Variants in LRRTM4 observed in about 807,000 individuals in gnomAD.
LRRTM4 encodes leucine-rich repeat transmembrane neuronal protein 4.
Under a neutral mutation model 47.6 loss-of-function variants are expected in LRRTM4, and 25 were observed. That is an observed-to-expected ratio of 0.53 (90% CI 0.38 to 0.73). The LOEUF is 0.73. Ranked by LOEUF, LRRTM4 falls within the 30% of genes least tolerant of loss-of-function variation. LRRTM4 has a pLI of 0.00. For synonymous variants in LRRTM4, 311 were observed against 269.5 expected (o/e 1.15, Z -1.51); for missense variants, 638 against 713.4 (o/e 0.89, Z 1.20).
chr2:77,170,024 C>T (rs767373482), intron 3 of LRRTM4, among the ~76,000 whole-genome samples: 7 of 152,110 alleles, frequency 4.6e-5, no homozygotes, highest in Non-Finnish European at 8.8e-5. Flanking sequence ...GGCAATGGGG[C>T]ATGTGTTCAA....
At chr2:77,362,384 C>A (rs925161169) in intron 3 of LRRTM4, among the ~76,000 whole-genome samples, 1 of 152,042 alleles carries the variant, frequency 6.6e-6, no homozygotes, top group African/African-American at 2.4e-5. Context: ...GTATATAGAA[C>A]GAGATATATT....
At chr2:76,995,966 G>A (rs559190060) in intron 3 of LRRTM4, among the ~76,000 whole-genome samples, 47 of 152,104 alleles carry the variant, frequency 3.1e-4, no homozygotes, top group African/African-American at 8.7e-4. Flanking sequence ...ATTAACTTAC[G>A]AAGGTATGCA....
At chr2:77,056,205 G>A (rs56030888) in intron 3 of LRRTM4, among the ~76,000 whole-genome samples, 18,329 of 148,632 alleles carry the variant, frequency 0.12, 1,383 homozygotes, top group Admixed American at 0.2. Flanking sequence ...AAAAGCTAAT[G>A]TGAGAATAAT....
chr2:77,028,889 G>A (rs1168270960), intron 3 of LRRTM4, among the ~76,000 whole-genome samples: 1 of 151,106 alleles, frequency 6.6e-6, no homozygotes, highest in East Asian at 2.0e-4. Context: ...CAAAAAATTA[G>A]CTGAGCGTGG....
At chr2:77,400,425 G>A (rs932336724) in intron 3 of LRRTM4, among the ~76,000 whole-genome samples, 2 of 151,620 alleles carry the variant, frequency 1.3e-5, no homozygotes, top group Non-Finnish European at 1.5e-5. Flanking sequence ...CGTGTAAGTG[G>A]TTTATAGCTC....
intron 3 of LRRTM4, among the ~76,000 whole-genome samples, chr2:77,321,868 TA>T (rs1677802701): frequency 6.6e-6 from 1 of 152,140 alleles, no homozygotes; most frequent in Non-Finnish European, 1.5e-5. Context: ...TAATGAATTA[TA>T]AACACAGAAC....
At chr2:77,403,842 T>C (rs1175399855) in intron 3 of LRRTM4, among the ~76,000 whole-genome samples, 5 of 149,072 alleles carry the variant, frequency 3.4e-5, no homozygotes, top group African/African-American at 7.7e-5. Flanking sequence ...TAGGCCATTA[T>C]GTCTTTATTC....
At chr2:77,099,559 G>A (rs372851480) in intron 3 of LRRTM4, among the ~76,000 whole-genome samples, 2 of 151,972 alleles carry the variant, frequency 1.3e-5, no homozygotes, top group East Asian at 3.9e-4. Context: ...AGTTGGCAGT[G>A]GTATCTAGGA....
At chr2:77,130,900 T>C (rs902945113) in intron 3 of LRRTM4, among the ~76,000 whole-genome samples, 3 of 115,480 alleles carry the variant, frequency 2.6e-5, no homozygotes, top group African/African-American at 1.0e-4. Context: ...AGTGGCGGGA[T>C]CTTGGCTCAC....
chr2:76,755,513 AAGAC>A (rs1672996966), intron 3 of LRRTM4, among the ~76,000 whole-genome samples: 1 of 152,138 alleles, frequency 6.6e-6, no homozygotes, highest in African/African-American at 2.4e-5. Flanking sequence ...AAACTTCTGC[AAGAC>A]AGAGAGGACA....
chr2:77,358,830 T>A (rs865829806), intron 3 of LRRTM4, among the ~76,000 whole-genome samples: 1 of 152,176 alleles, frequency 6.6e-6, no homozygotes, highest in Admixed American at 6.5e-5. Context: ...ATTTAGTACA[T>A]ACTTTATATT....
At chr2:76,807,487 C>CAT (rs1169217695) in intron 3 of LRRTM4, among the ~76,000 whole-genome samples, 215 of 92,406 alleles carry the variant, frequency 2.3e-3, no homozygotes, top group African/African-American at 3.3e-3. Flanking sequence ...TATATATATA[C>CAT]ATATATATAT....
chr2:76,800,309 A>C (rs951556032), intron 3 of LRRTM4, among the ~76,000 whole-genome samples: 69 of 149,020 alleles, frequency 4.6e-4, no homozygotes, highest in African/African-American at 1.7e-3. Flanking sequence ...CATATCTACA[A>C]CTATCTGATC....
chr2:77,470,625 A>T (rs1677154374), intron 3 of LRRTM4, among the ~76,000 whole-genome samples: 1 of 152,028 alleles, frequency 6.6e-6, no homozygotes, highest in Admixed American at 6.6e-5. Flanking sequence ...ATAAAAATGC[A>T]CCCTGGTACC....
At chr2:77,307,045 G>A (rs535940222) in intron 3 of LRRTM4, among the ~76,000 whole-genome samples, 194 of 151,146 alleles carry the variant, frequency 1.3e-3, no homozygotes, top group African/African-American at 4.6e-3. Flanking sequence ...GACTACAGGC[G>A]CCCACCACCA....
At chr2:77,023,440 G>A (rs1678343948) in intron 3 of LRRTM4, among the ~76,000 whole-genome samples, 3 of 152,154 alleles carry the variant, frequency 2.0e-5, no homozygotes, top group African/African-American at 7.2e-5. Flanking sequence ...CTCAGAAAAT[G>A]GAATTTTCTT....
chr2:77,231,247 A>T (rs1200133300), intron 3 of LRRTM4, among the ~76,000 whole-genome samples: 1 of 151,876 alleles, frequency 6.6e-6, no homozygotes, highest in Non-Finnish European at 1.5e-5. Context: ...ATGCACACAC[A>T]CACAGATGCA....
chr2:77,517,856 C>T, intron 3 of LRRTM4: 1 of 986,442 alleles, frequency 1.0e-6, no homozygotes, highest in Non-Finnish European at 1.2e-6. Context: ...AAAATCAACC[C>T]TTGGGAAAAT....
intron 3 of LRRTM4, among the ~76,000 whole-genome samples, chr2:77,478,958 G>A (rs981144528): frequency 6.6e-6 from 1 of 151,990 alleles, no homozygotes. Context: ...GCAATGGTGC[G>A]ATCTAGGCTC....
Sources: gnomAD v4.1 joint callset for allele counts (sites outside exome capture counted in the v4.1 genomes callset) on GRCh38, gnomAD v4.1.1 for gene constraint, MANE v1.5 for transcripts, NCBI Gene and HGNC (gene_info 2026-07-23, HGNC 2026-07-21) for gene names.